Variants in COL4A3 observed in about 807,000 individuals in gnomAD.
COL4A3 encodes the protein collagen alpha-3(IV) chain.
Under a neutral mutation model 217.4 loss-of-function variants are expected in COL4A3, and 135 were observed. The observed-to-expected ratio is 0.62, with a 90% CI of 0.54 to 0.72. The LOEUF (loss-of-function observed/expected upper bound fraction) is 0.72, where lower values mean the gene tolerates loss of function less well. Ranked by LOEUF, COL4A3 falls within the 30% of genes least tolerant of loss-of-function variation. The pLI is 0.00. For missense variants in COL4A3, 1,868 were observed against 2,119.9 expected (o/e 0.88, Z 2.33); for synonymous variants, 690 against 736.3 (o/e 0.94, Z 1.02).
intron 1 of COL4A3, among the ~76,000 whole-genome samples, chr2:227,222,915 C>A (rs2067890623): frequency 6.6e-6 from 1 of 152,234 alleles, no homozygotes; most frequent in African/African-American, 2.4e-5. Context: ...GGAGTTCAGA[C>A]TCAGCACTGA....
chr2:227,308,426 T>TC (rs2073603160), intron 48 of COL4A3, among the ~76,000 whole-genome samples: 1 of 152,076 alleles, frequency 6.6e-6, no homozygotes, highest in African/African-American at 2.4e-5. Context: ...GCTGTCAAGG[T>TC]TTCTCTCAAA....
chr2:227,244,613 T>C (rs932895577), intron 4 of COL4A3, among the ~76,000 whole-genome samples: 9 of 152,184 alleles, frequency 5.9e-5, no homozygotes, highest in South Asian at 4.1e-4. Flanking sequence ...GATGAGATGA[T>C]GGTATATAAA....
Position 227,164,652 on chromosome 2 carries a change from C to A in COL4A3, c.-75C>A. 2 of 1,525,668 alleles carry A rather than the reference C, an allele frequency of 1.3e-6. No individual in the cohort carries two copies. Among genetic ancestry groups the A allele is most frequent in the Non-Finnish European group, 1.8e-6 (2 of 1,141,466 alleles). The allele number at this position is 1,525,668 out of a possible 1,614,324, so 94.5% of individuals were successfully genotyped here. A position where few individuals can be genotyped will look rare whatever the true frequency, so the allele number is the denominator to read the frequency against. On this transcript the variant is annotated 5_prime_UTR_variant, in exon 1 of 52. Transcript: ENST00000396578. The surrounding 1 kb of genome is among the most constrained non-coding windows in gnomAD (Gnocchi z 4.8). ...CTTTCCAGCCGGGCTCCCAGAGCCG[C>A]GCTGCGCAGGAGACGCGGTGGCCTG...
intron 2 of COL4A3, among the ~76,000 whole-genome samples, chr2:227,239,670 G>A (rs1385471884): frequency 6.6e-6 from 1 of 152,162 alleles, no homozygotes; most frequent in African/African-American, 2.4e-5. Context: ...ACTAACTCCT[G>A]TGTATTAAAG....
intron 1 of COL4A3, among the ~76,000 whole-genome samples, chr2:227,184,624 C>T (rs1466555455): frequency 6.6e-6 from 1 of 152,060 alleles, no homozygotes; most frequent in Non-Finnish European, 1.5e-5. Context: ...TTTTGGGGAT[C>T]ACGTTTCCTT....
Position 227,309,279 on chromosome 2 carries a change from C to A in COL4A3, c.4716C>A (p.His1572Gln). The A allele has an allele frequency of 3.1e-6, 5 of 1,614,132 alleles. 1 individual carries two copies. Among genetic ancestry groups the A allele is most frequent in the Non-Finnish European group, 2.5e-6 (3 of 1,179,994 alleles). The change falls in exon 50 of 52, where the codon CAC (histidine) becomes CAA (glutamine). Residue 1572 changes from histidine to glutamine, a missense_variant. This residue lies in a region of COL4A3 where 1,503 missense variants were observed against 1,786.1 expected (regional missense o/e 0.84). Coordinates refer to ENST00000396578, the MANE Select transcript of COL4A3 (RefSeq NM_000091.5). Reference sequence around the variant, plus strand: ...CCACTGACATTCCTCCATGTCCTCACGGCTGGATTTCTCTCTGGAAAGGAT... The same window carrying A: ...CCACTGACATTCCTCCATGTCCTCAAGGCTGGATTTCTCTCTGGAAAGGAT... ...SQTTDIPPCPHGWISLWKGFS... is the reference protein window; with the variant it reads ...SQTTDIPPCPQGWISLWKGFS...
chr2:227,183,408 G>C (rs960492943), intron 1 of COL4A3, among the ~76,000 whole-genome samples: 1 of 152,162 alleles, frequency 6.6e-6, no homozygotes, highest in South Asian at 2.1e-4. Flanking sequence ...ATATGTAAAA[G>C]TCCCAAGGAG....
intron 48 of COL4A3, 127 bp downstream of exon 48, chr2:227,308,046 G>C: frequency 1.2e-6 from 1 of 848,768 alleles, no homozygotes; most frequent in South Asian, 1.4e-5. Context: ...ACATTTTAAA[G>C]AGAGCAAATA....
At chr2:227,207,121 TC>T (rs1170584844) in intron 1 of COL4A3, among the ~76,000 whole-genome samples, 2 of 152,090 alleles carry the variant, frequency 1.3e-5, no homozygotes, top group Admixed American at 1.3e-4. Flanking sequence ...TGTCCTACCC[TC>T]CAAGCCAGAG....
chr2:227,170,029 T>G lies in COL4A3; in HGVS notation c.87+5216T>G, dbSNP rs567152381. On this transcript the variant is annotated intron_variant, in intron 1 of 51. Transcript: ENST00000396578. ...CCTCTTTGCTCTTCTGGTTGAATTT[T>G]AGCATCTGCATGTCAAAGGTCCATC... is the stretch of plus-strand genomic sequence containing the variant. Among the ~76,000 whole-genome samples, 6 of 152,340 alleles carry G rather than the reference T, an allele frequency of 3.9e-5. No homozygotes were observed. The East Asian group carries it at 1.2e-3, about 29-fold the overall frequency.
intron 41 of COL4A3, among the ~76,000 whole-genome samples, chr2:227,295,738 G>T (rs976112039): frequency 3.9e-5 from 6 of 152,106 alleles, no homozygotes; most frequent in African/African-American, 1.4e-4. Context: ...CCAACCCCCA[G>T]ATCCAGCTTG....
chr2:227,170,365 C>T (rs990190784), intron 1 of COL4A3, among the ~76,000 whole-genome samples: 4 of 151,954 alleles, frequency 2.6e-5, no homozygotes, highest in African/African-American at 9.7e-5. Flanking sequence ...TAATGACATA[C>T]CCAAGACTCG....
At chr2:227,278,083 T>C (rs1011031464) in intron 28 of COL4A3, among the ~76,000 whole-genome samples, 3 of 152,018 alleles carry the variant, frequency 2.0e-5, no homozygotes, top group Non-Finnish European at 4.4e-5. Flanking sequence ...ACATTTTTGA[T>C]ACTTCTCAGT....
intron 1 of COL4A3, among the ~76,000 whole-genome samples, chr2:227,197,096 G>A (rs1292584109): frequency 6.6e-5 from 10 of 152,096 alleles, no homozygotes; most frequent in South Asian, 6.2e-4. Flanking sequence ...TGTGCCTTTC[G>A]CCTTCCGCCA....
At chr2:227,180,899 T>C (rs2065849317) in intron 1 of COL4A3, among the ~76,000 whole-genome samples, 1 of 152,212 alleles carries the variant, frequency 6.6e-6, no homozygotes, top group Non-Finnish European at 1.5e-5. Flanking sequence ...AGGAGTTTCT[T>C]GTTTTTGAAA....
chr2:227,214,849 G>T (rs1021945486), intron 1 of COL4A3, among the ~76,000 whole-genome samples: 8 of 152,086 alleles, frequency 5.3e-5, no homozygotes, highest in African/African-American at 1.9e-4. Flanking sequence ...AACTCCTAGG[G>T]CTTGACAGTC....
At chr2:227,213,924 AAG>A (rs1476593580) in intron 1 of COL4A3, among the ~76,000 whole-genome samples, 3 of 151,600 alleles carry the variant, frequency 2.0e-5, no homozygotes, top group African/African-American at 7.3e-5. Flanking sequence ...AAAAAAGAAA[AAG>A]AAAAAGAAAA....
At chr2:227,256,098 T>A in intron 16 of COL4A3, 28 bp downstream of exon 16, 1 of 1,605,310 alleles carries the variant, frequency 6.2e-7, no homozygotes, top group South Asian at 1.1e-5. Context: ...CCTATGGAGG[T>A]AGTAAAAATG....
chr2:227,308,531 A>G (rs2073607852), intron 48 of COL4A3, among the ~76,000 whole-genome samples: 1 of 152,184 alleles, frequency 6.6e-6, no homozygotes, highest in Non-Finnish European at 1.5e-5. Flanking sequence ...TTGCTTTTCA[A>G]TCTCACAAAT....
Sources: allele counts gnomAD v4.1 joint callset (sites outside exome capture counted in the v4.1 genomes callset), GRCh38; gene constraint gnomAD v4.1.1; regional missense constraint gnomAD v4.1.1; non-coding constraint Gnocchi (gnomAD v3.1); transcripts MANE v1.5; gene names NCBI Gene and HGNC (gene_info 2026-07-23, HGNC 2026-07-21).